Variants in NXPH1 observed in about 807,000 individuals in gnomAD.
The protein encoded by NXPH1 is neurexophilin 1.
Under a neutral mutation model 23.7 loss-of-function variants are expected in NXPH1, and 5 were observed. That is an observed-to-expected ratio of 0.21 (90% CI 0.11 to 0.44). The LOEUF (loss-of-function observed/expected upper bound fraction) is 0.44. Ranked by LOEUF, NXPH1 falls within the 20% of genes least tolerant of loss-of-function variation. The pLI is 0.99. For missense variants in NXPH1, 324 were observed against 321.6 expected (o/e 1.01, Z -0.06); for synonymous variants, 144 against 122.2 (o/e 1.18, Z -1.18).
chr7:8,529,465 G>T (rs955965471), intron 2 of NXPH1, among the ~76,000 whole-genome samples: 4 of 152,136 alleles, frequency 2.6e-5, no homozygotes, highest in African/African-American at 9.7e-5. Context: ...AAGGAGACTT[G>T]ATGGGAGTCA....
chr7:8,580,778 G>A (rs1818852029), intron 2 of NXPH1, among the ~76,000 whole-genome samples: 1 of 151,892 alleles, frequency 6.6e-6, no homozygotes, highest in African/African-American at 2.4e-5. Flanking sequence ...GTAGTTTCTG[G>A]GGCCTGTTAG....
chr7:8,469,782 A>G (rs1816844509), intron 2 of NXPH1, among the ~76,000 whole-genome samples: 1 of 152,126 alleles, frequency 6.6e-6, no homozygotes, highest in Non-Finnish European at 1.5e-5. Context: ...ACTACCAAAG[A>G]CTAGACATGC....
intron 2 of NXPH1, among the ~76,000 whole-genome samples, chr7:8,440,240 T>C (rs1816274745): frequency 6.6e-6 from 1 of 152,226 alleles, no homozygotes; most frequent in Non-Finnish European, 1.5e-5. Context: ...ATGTTCAACT[T>C]TCCATTGACC....
chr7:8,628,620 A>C (rs1238431091), intron 2 of NXPH1, among the ~76,000 whole-genome samples: 1 of 152,066 alleles, frequency 6.6e-6, no homozygotes, highest in Non-Finnish European at 1.5e-5. Flanking sequence ...GTATGAAAGA[A>C]ATGATTCTTT....
intron 2 of NXPH1, among the ~76,000 whole-genome samples, chr7:8,538,142 G>C (rs1391553209): frequency 1.3e-5 from 2 of 151,870 alleles, no homozygotes; most frequent in African/African-American, 4.8e-5. Flanking sequence ...ACATATAAAA[G>C]TGTCTAGCTA....
At chr7:8,674,701 A>T (rs555195382) in intron 2 of NXPH1, among the ~76,000 whole-genome samples, 1 of 152,198 alleles carries the variant, frequency 6.6e-6, no homozygotes, top group Non-Finnish European at 1.5e-5. Flanking sequence ...GAGGGGTTCA[A>T]TTGTAGCTGC....
At chr7:8,634,635 T>C (rs974840840) in intron 2 of NXPH1, among the ~76,000 whole-genome samples, 1 of 151,418 alleles carries the variant, frequency 6.6e-6, no homozygotes, top group Non-Finnish European at 1.5e-5. Flanking sequence ...TCTTCTGCAG[T>C]TATCTGCATG....
intron 2 of NXPH1, among the ~76,000 whole-genome samples, chr7:8,737,770 A>C (rs2115224333): frequency 6.6e-6 from 1 of 152,352 alleles, no homozygotes; most frequent in South Asian, 2.1e-4. Context: ...CAGGTACACC[A>C]GTCAAAGGTA....
At chr7:8,457,139 CTT>C (rs1308910566) in intron 2 of NXPH1, among the ~76,000 whole-genome samples, 1 of 152,266 alleles carries the variant, frequency 6.6e-6, no homozygotes, top group African/African-American at 2.4e-5. Context: ...TTTTCAAACT[CTT>C]TACCTGTGGA....
At chr7:8,587,763 G>C (rs1819009058) in intron 2 of NXPH1, among the ~76,000 whole-genome samples, 1 of 152,082 alleles carries the variant, frequency 6.6e-6, no homozygotes, top group Non-Finnish European at 1.5e-5. Flanking sequence ...GTGTTAATTT[G>C]CTGAGAATGA....
chr7:8,682,741 T>C (rs1427037101), intron 2 of NXPH1, among the ~76,000 whole-genome samples: 4 of 152,204 alleles, frequency 2.6e-5, no homozygotes, highest in South Asian at 2.1e-4. Context: ...GCAATCATTA[T>C]AACATTTTAT....
At chr7:8,652,474 G>A (rs1249113623) in intron 2 of NXPH1, among the ~76,000 whole-genome samples, 2 of 151,854 alleles carry the variant, frequency 1.3e-5, no homozygotes, top group African/African-American at 2.4e-5. Flanking sequence ...CTTATATTTT[G>A]TATATAACAA....
intron 2 of NXPH1, among the ~76,000 whole-genome samples, chr7:8,680,293 G>A (rs1821031012): frequency 6.6e-6 from 1 of 152,236 alleles, no homozygotes; most frequent in African/African-American, 2.4e-5. Context: ...GAGAGGGATA[G>A]TTTGTTTCAG....
At chr7:8,441,258 C>G (rs1001173714) in intron 2 of NXPH1, among the ~76,000 whole-genome samples, 4 of 152,130 alleles carry the variant, frequency 2.6e-5, no homozygotes, top group Non-Finnish European at 5.9e-5. Context: ...TCGCCTCCCT[C>G]TGCATTCTCT....
intron 2 of NXPH1, among the ~76,000 whole-genome samples, chr7:8,658,680 A>T (rs1395851334): frequency 6.6e-6 from 1 of 152,236 alleles, no homozygotes; most frequent in Non-Finnish European, 1.5e-5. Flanking sequence ...TGTATTTATA[A>T]AAACAATATG....
rs148216470 is a variant in NXPH1 at position 8,461,799 on chromosome 7, C to T, written c.54+26032C>T. On this transcript the variant is annotated intron_variant, in intron 2 of 2. Transcript: ENST00000405863. ...GAGCTGAGATCGCGCCACTGCAGTC[C>T]GCAGTCCGGCCTGGGCGACAGAGCG... Among the ~76,000 whole-genome samples the T allele has an allele frequency of 1.9e-3, 264 of 142,304 alleles. 1 individual carries two copies. The highest frequency in any genetic ancestry group is 6.5e-3 in the African/African-American group (245 of 37,702). 93.4% of individuals were successfully genotyped at this position (142,304 alleles called of 152,430 possible). A position where few individuals can be genotyped will look rare whatever the true frequency, so the allele number is the denominator to read the frequency against.
chr7:8,503,456 A>G (rs1383907995), intron 2 of NXPH1, among the ~76,000 whole-genome samples: 2 of 151,954 alleles, frequency 1.3e-5, no homozygotes, highest in Admixed American at 6.6e-5. Flanking sequence ...AAGTCCCACT[A>G]CACTTGAAGA....
chr7:8,664,384 C>T (rs118003818), intron 2 of NXPH1, among the ~76,000 whole-genome samples: 58 of 152,196 alleles, frequency 3.8e-4, no homozygotes, highest in Non-Finnish European at 7.4e-4. Context: ...CACTACCTAA[C>T]CTCTTACAGT....
rs192149465 is a variant in NXPH1 at position 8,645,423 on chromosome 7, A to G, written c.55-105585A>G. Among the ~76,000 whole-genome samples, 721 of 152,146 alleles carry G rather than the reference A, an allele frequency of 4.7e-3. 7 individuals carry two copies. Among genetic ancestry groups the G allele is most frequent in the African/African-American group, 0.016 (679 of 41,532 alleles). On this transcript the variant is annotated intron_variant, in intron 2 of 2. Coordinates refer to ENST00000405863, the MANE Select transcript of NXPH1 (RefSeq NM_152745.3). Reference sequence around the variant, plus strand: ...TTTGTTGATTCCTATGATCCTGAACATCCTTTCATATGTTTATGGTATTCA... The same window carrying G: ...TTTGTTGATTCCTATGATCCTGAACGTCCTTTCATATGTTTATGGTATTCA...
Sources: allele counts gnomAD v4.1 joint callset (sites outside exome capture counted in the v4.1 genomes callset), GRCh38; gene constraint gnomAD v4.1.1; transcripts MANE v1.5; gene names NCBI Gene and HGNC (gene_info 2026-07-23, HGNC 2026-07-21).